GEMIN5: variants seen among roughly 807,000 people sequenced by gnomAD.
GEMIN5 encodes gem-associated protein 5.
In GEMIN5, 124 loss-of-function variants were observed where a neutral mutation model predicts 176.9. The observed-to-expected ratio is 0.70, with a 90% CI of 0.61 to 0.81. The LOEUF (loss-of-function observed/expected upper bound fraction) is 0.81, where lower values mean the gene tolerates loss of function less well. GEMIN5 is among the 40% of genes least tolerant of loss of function. The pLI is 0.00. For synonymous variants in GEMIN5, 673 were observed against 665.2 expected (o/e 1.01, Z -0.18); for missense variants, 1,843 against 1,814.6 (o/e 1.02, Z -0.28).
intron 15 of GEMIN5, among the ~76,000 whole-genome samples, chr5:154,910,514 G>A (rs1327066918): frequency 6.6e-6 from 1 of 152,134 alleles, no homozygotes; most frequent in Non-Finnish European, 1.5e-5. Flanking sequence ...TCTGTTGCCA[G>A]GCTGGTCTCA....
chr5:154,897,990 T>TC (rs1292949341), intron 23 of GEMIN5, among the ~76,000 whole-genome samples: 2 of 145,888 alleles, frequency 1.4e-5, no homozygotes, highest in Admixed American at 7.0e-5. Context: ...ACCTCCGCCT[T>TC]CCGGGTTCAA....
intron 24 of GEMIN5, among the ~76,000 whole-genome samples, chr5:154,894,830 C>T (rs369801436): frequency 1.5e-4 from 23 of 152,172 alleles, no homozygotes; most frequent in African/African-American, 5.5e-4. Context: ...TTGCTTGAAC[C>T]TGGGAGGCGG....
intron 20 of GEMIN5, 73 bp downstream of exon 20, chr5:154,902,466 A>T (rs1471389088): frequency 7.3e-7 from 1 of 1,367,816 alleles, no homozygotes; most frequent in African/African-American, 1.4e-5. Context: ...CTGTGCTAAG[A>T]GCCATCTTTA....
chr5:154,912,167 C>T (rs1359541833), intron 14 of GEMIN5, among the ~76,000 whole-genome samples: 2 of 152,154 alleles, frequency 1.3e-5, no homozygotes, highest in African/African-American at 4.8e-5. Context: ...TTCACTGTCT[C>T]GAACCAATAC....
chr5:154,901,260 T>C (rs1206230359), intron 21 of GEMIN5, 79 bp downstream of exon 21: 18 of 1,338,910 alleles, frequency 1.3e-5, no homozygotes, highest in Middle Eastern at 1.9e-4. Context: ...CTTCTATTTA[T>C]GTTACTTTAA....
At chr5:154,890,667 A>G (rs927910833) in intron 26 of GEMIN5, among the ~76,000 whole-genome samples, 1 of 152,026 alleles carries the variant, frequency 6.6e-6, no homozygotes, top group African/African-American at 2.4e-5. Flanking sequence ...CAGGGTCTCA[A>G]TATGTAGCCC....
At position 154,911,897 on chromosome 5, in the gene GEMIN5, A is replaced by G. The variant is rs1295023090; in HGVS notation, c.1997T>C (p.Val666Ala). 1 of 1,613,220 alleles carries G rather than the reference A, an allele frequency of 6.2e-7. No homozygotes were observed. The highest frequency in any genetic ancestry group is 2.2e-5 in the East Asian group (1 of 44,880). ...GGGCTCTTCCCGGAGAGCATCCCAC[A>G]CCTAAACCCAAAAGCACATGGCCGA... is the stretch of plus-strand genomic sequence containing the variant. ...VSASYDGTAQ[V>A]WDALREEPLC... Residue 666 changes from valine to alanine, a missense_variant and splice_region_variant, in exon 15 of 28, where the codon GTG becomes GCG. Val to Ala is a moderately conservative substitution (Grantham distance 64, BLOSUM62 0). Coordinates refer to ENST00000285873, the MANE Select transcript of GEMIN5 (RefSeq NM_015465.5).
chr5:154,917,641 A>T (rs1039895387), intron 12 of GEMIN5, among the ~76,000 whole-genome samples: 6 of 152,122 alleles, frequency 3.9e-5, no homozygotes, highest in Non-Finnish European at 8.8e-5. Context: ...GGCTTACTTT[A>T]AAAAAATGGA....
intron 23 of GEMIN5, among the ~76,000 whole-genome samples, chr5:154,896,714 T>C (rs1263880465): frequency 6.6e-6 from 1 of 152,126 alleles, no homozygotes; most frequent in Non-Finnish European, 1.5e-5. Flanking sequence ...CTGACCAAAC[T>C]TTGGACTCAG....
intron 7 of GEMIN5, among the ~76,000 whole-genome samples, chr5:154,926,672 G>T (rs556158624): frequency 6.6e-6 from 1 of 152,176 alleles, no homozygotes; most frequent in Non-Finnish European, 1.5e-5. Context: ...ATAGCATGAG[G>T]ACCTAACACA....
At position 154,892,404 on chromosome 5, in the gene GEMIN5, G is replaced by A. The variant is rs1237772354; in HGVS notation, c.3743C>T (p.Ser1248Leu). 1.9e-6 allele frequency: 3 copies of A among 1,613,962 alleles called. No individual in the cohort carries two copies. In the South Asian group the frequency reaches 3.3e-5, roughly 18 times the overall value. Reference sequence around the variant, plus strand: ...TCACTTACCGTCAGGGAGAAAGGCTGAGTACACTTCCTGCATGATGGTGAA... The same window carrying A: ...TCACTTACCGTCAGGGAGAAAGGCTAAGTACACTTCCTGCATGATGGTGAA... ...GSFTIMQEVY[S>L]AFLPDGCDHL... The change falls in exon 25 of 28, where the codon TCA becomes TTA. Residue 1248 changes from serine to leucine, a missense_variant. Transcript: ENST00000285873.
Position 154,925,968 on chromosome 5 carries a change from G to C in GEMIN5, c.1187C>G (p.Ala396Gly). 1 of 1,611,860 alleles carries C rather than the reference G, an allele frequency of 6.2e-7. No homozygotes were observed. Among genetic ancestry groups the C allele is most frequent in the Non-Finnish European group, 8.5e-7 (1 of 1,178,008 alleles). The change falls in exon 8 of 28, where the codon GCC becomes GGC. Residue 396 changes from alanine to glycine, a missense_variant. By Grantham distance (60) the Ala-to-Gly change is moderately conservative. Transcript: ENST00000285873. ...GATCATGCCATCCCCAACACCTATG[G>C]CCAAAGAGCCTATGTCCACAGAAGA... ...AFSSVDIGSLAIGVGDGMIRV... is the reference protein window; with the variant it reads ...AFSSVDIGSLGIGVGDGMIRV...
Position 154,937,047 on chromosome 5 carries a change from A to T in GEMIN5, c.305T>A (p.Val102Glu). 1 of 1,613,814 alleles carries T rather than the reference A, an allele frequency of 6.2e-7. No individual in the cohort carries two copies. Among genetic ancestry groups the T allele is most frequent in the Non-Finnish European group, 8.5e-7 (1 of 1,179,808 alleles). Residue 102 changes from valine (V) to glutamate (E), a missense_variant, in exon 2 of 28, where the codon GTG (valine) becomes GAG (glutamate). Val to Glu is a moderately radical substitution (Grantham distance 121, BLOSUM62 -2). Transcript: ENST00000285873. ...KIWDVETKTVVTEHALHQHTI... is the reference protein window; with the variant it reads ...KIWDVETKTVETEHALHQHTI... Reference sequence around the variant, plus strand: ...TACCTGATGGAGTGCATGTTCTGTCACAACTGTTTTTGTCTCTACATCCCA... The same window carrying T: ...TACCTGATGGAGTGCATGTTCTGTCTCAACTGTTTTTGTCTCTACATCCCA...
intron 15 of GEMIN5, 50 bp downstream of exon 15, chr5:154,911,677 T>C (rs1763702228): frequency 6.7e-7 from 1 of 1,488,640 alleles, no homozygotes; most frequent in Non-Finnish European, 9.3e-7. Flanking sequence ...TCAACTCAAT[T>C]ATTAAGAAAG....
chr5:154,927,670 A>G (rs1764076081), intron 6 of GEMIN5, 120 bp from the exon 7 acceptor site: 3 of 682,098 alleles, frequency 4.4e-6, no homozygotes, highest in Non-Finnish European at 7.3e-6. Flanking sequence ...GGAGAGAAAA[A>G]TTGCATATGC....
At chr5:154,904,705 T>C in intron 17 of GEMIN5, 76 bp from the exon 18 acceptor site, 1 of 1,105,150 alleles carries the variant, frequency 9.0e-7, no homozygotes, top group Non-Finnish European at 1.4e-6. Flanking sequence ...ATTGTGTGAA[T>C]GTAACCTACT....
rs765994369 is a variant in GEMIN5 at position 154,903,162 on chromosome 5, A to G, written c.2646T>C (p.Asp882=). 6.2e-7 allele frequency: 1 copy of G among 1,610,398 alleles called. No individual in the cohort carries two copies. The highest frequency in any genetic ancestry group is 8.5e-7 in the Non-Finnish European group (1 of 1,176,852). Residue 882 remains aspartate, a synonymous_variant, in exon 19 of 28, where the codon GAT becomes GAC. Coordinates refer to ENST00000285873, the MANE Select transcript of GEMIN5 (RefSeq NM_015465.5). The stretch of plus-strand genomic sequence containing the variant: ...ATCTTTCCTCAACATCAGCAGACAC[A>G]TCTTCATTCAGCTCTGTTAATTTAA... ...TAKHSRELNE[D]VSADVEERFH...
Position 154,892,472 on chromosome 5 carries a change from C to A in GEMIN5, c.3675G>T (p.Gln1225His). The change falls in exon 25 of 28, where the codon CAG becomes CAT. Residue 1225 changes from glutamine (Q) to histidine (H), a missense_variant. Coordinates refer to ENST00000285873, the MANE Select transcript of GEMIN5 (RefSeq NM_015465.5). ...QQMASWDEAV[Q>H]ALLRAVVRSY... is the part of the protein sequence containing the mutation. ...TCCGGACCACCGCCCGAAGGAGCGCCTGCACAGCCTCGTCCCAGGAGGCCA... is the reference window on the plus strand; with the variant it reads ...TCCGGACCACCGCCCGAAGGAGCGCATGCACAGCCTCGTCCCAGGAGGCCA... 3.1e-6 allele frequency: 5 copies of A among 1,614,226 alleles called. No individual in the cohort carries two copies. The highest frequency in any genetic ancestry group is 4.2e-6 in the Non-Finnish European group (5 of 1,180,038).
chr5:154,927,605 G>T, intron 6 of GEMIN5, 55 bp from the exon 7 acceptor site: 1 of 1,331,062 alleles, frequency 7.5e-7, no homozygotes, highest in South Asian at 1.3e-5. Context: ...GAAAACAAGT[G>T]ACTGTTGAGA....
Sources: allele counts gnomAD v4.1 joint callset (sites outside exome capture counted in the v4.1 genomes callset), GRCh38; gene constraint gnomAD v4.1.1; transcripts MANE v1.5; gene names NCBI Gene and HGNC (gene_info 2026-07-23, HGNC 2026-07-21).